Variants in REL observed in about 807,000 individuals in gnomAD.
REL encodes the protein proto-oncogene c-Rel.
Under a neutral mutation model 45.9 loss-of-function variants are expected in REL, and 15 were observed. The ratio of observed to expected loss-of-function variants is 0.33; its 90% CI spans 0.22 to 0.50. The LOEUF (loss-of-function observed/expected upper bound fraction) is 0.50, where lower values mean the gene tolerates loss of function less well. Among genes scored for constraint, REL ranks in the 20% least tolerant of loss-of-function variants. The probability of loss-of-function intolerance (pLI) is 0.98; values close to 1 mark genes in which losing one functional copy is unlikely to be tolerated. For synonymous variants in REL, 239 were observed against 242.1 expected (o/e 0.99, Z 0.12); for missense variants, 601 against 715.2 (o/e 0.84, Z 1.82).
At chr2:60,896,863 C>G (rs1673364090) in intron 3 of REL, among the ~76,000 whole-genome samples, 1 of 152,146 alleles carries the variant, frequency 6.6e-6, no homozygotes. Context: ...TTCCAACTCT[C>G]TCCCCAATTC....
Position 60,900,976 on chromosome 2 carries a change from G to GT in REL, c.303-9dup, listed in dbSNP as rs749193972. Reference sequence around the variant, plus strand: ...TGTTTATAATGCAGTTTTGAATATTGTTTTTTTCCTGCTAGTTTCCAAAAT... The same window carrying GT: ...TGTTTATAATGCAGTTTTGAATATTGTTTTTTTTCCTGCTAGTTTCCAAAAT... On this transcript the variant is annotated splice_polypyrimidine_tract_variant and intron_variant, in intron 3 of 9. Transcript: ENST00000394479. The GT allele has an allele frequency of 9.4e-6, 15 of 1,590,452 alleles. No homozygotes were observed. In the South Asian group the frequency reaches 1.1e-4, roughly 12 times the overall value.
chr2:60,916,249 C>CA (rs964655990), intron 4 of REL, among the ~76,000 whole-genome samples: 2 of 151,946 alleles, frequency 1.3e-5, no homozygotes, highest in Non-Finnish European at 2.9e-5. Context: ...CCCATCTCTA[C>CA]AAAAAAATAG....
chr2:60,910,351 G>C (rs1459583031), intron 4 of REL, among the ~76,000 whole-genome samples: 2 of 151,806 alleles, frequency 1.3e-5, no homozygotes, highest in East Asian at 3.9e-4. Flanking sequence ...TGTAGTCCCA[G>C]CTACTCGGGA....
In REL at chr2:60,923,479, T is replaced by C. The variant is rs1185390280; in HGVS notation, c.*944T>C. 4.3e-6 allele frequency: 1 copy of C among 232,480 alleles called. No homozygotes were observed. 14.4% of individuals were successfully genotyped at this position (232,480 alleles called of 1,614,324 possible). A position where few individuals can be genotyped will look rare whatever the true frequency, so the allele number is the denominator to read the frequency against. On this transcript the variant is annotated 3_prime_UTR_variant, in exon 10 of 10. Coordinates refer to ENST00000394479, the MANE Select transcript of REL (RefSeq NM_001291746.2). ...AAACTGCCTATTTGACATCTCTATC[T>C]AGAAATCTAATTAAAGCTCACACTC...
chr2:60,912,396 G>A (rs1036642758), intron 4 of REL, among the ~76,000 whole-genome samples: 1 of 152,060 alleles, frequency 6.6e-6, no homozygotes, highest in Non-Finnish European at 1.5e-5. Flanking sequence ...ATAGTCTGCC[G>A]TAGAAACTTA....
intron 5 of REL, among the ~76,000 whole-genome samples, chr2:60,917,869 G>A (rs774211814): frequency 3.3e-5 from 5 of 152,088 alleles, no homozygotes; most frequent in Non-Finnish European, 7.4e-5. Context: ...AGGGAAAATT[G>A]TATTGCCATG....
intron 1 of REL, among the ~76,000 whole-genome samples, chr2:60,889,550 G>A (rs1673156305): frequency 6.6e-6 from 1 of 151,918 alleles, no homozygotes. Flanking sequence ...TGCCATGTTG[G>A]TGTGCTGCAC....
At chr2:60,901,150 CTT>C (rs10565258) in intron 4 of REL, 67 bp downstream of exon 4, 155,272 of 876,844 alleles carry the variant, frequency 0.18, 1,438 homozygotes, top group Middle Eastern at 0.23. Flanking sequence ...TTTTCTTTCT[CTT>C]TTTTTTTTTT....
intron 4 of REL, among the ~76,000 whole-genome samples, chr2:60,902,228 A>C (rs576645082): frequency 1.6e-4 from 25 of 152,352 alleles, no homozygotes; most frequent in Non-Finnish European, 2.6e-4. Flanking sequence ...TAATTTAAGG[A>C]ATATATTCAC....
At position 60,921,838 on chromosome 2, in the gene REL, A is replaced by G. The variant is rs200515155; in HGVS notation, c.1067A>G (p.Tyr356Cys). ...GTTTCAAGTCAAGCAGAATCCTACT[A>G]TCCCTCACCTGGGCCCATCTCAAGT... ...TGVSSQAESY[Y>C]PSPGPISSGL... is the part of the protein sequence containing the mutation. The change falls in exon 10 of 10, where the codon TAT becomes TGT. Residue 356 changes from tyrosine (Y) to cysteine (C), a missense_variant. Tyr to Cys is a radical substitution (Grantham distance 194). Coordinates refer to ENST00000394479, the MANE Select transcript of REL (RefSeq NM_001291746.2). 113 of 1,614,034 alleles carry G rather than the reference A, an allele frequency of 7.0e-5. No individual in the cohort carries two copies. In the African/African-American group the frequency reaches 1.2e-3, roughly 17 times the overall value.
intron 3 of REL, among the ~76,000 whole-genome samples, chr2:60,898,043 AC>A (rs1673398745): frequency 6.6e-6 from 1 of 152,128 alleles, no homozygotes; most frequent in African/African-American, 2.4e-5. Flanking sequence ...CATTGAATCT[AC>A]TAACAGTTAC....
In REL at chr2:60,924,369, C is replaced by A; in HGVS notation, c.*1834C>A. The A allele has an allele frequency of 4.6e-6, 1 of 217,092 alleles. No individual in the cohort carries two copies. Among genetic ancestry groups the A allele is most frequent in the East Asian group, 6.9e-5 (1 of 14,458 alleles). 13.4% of individuals were successfully genotyped at this position (217,092 alleles called of 1,614,324 possible). On this transcript the variant is annotated 3_prime_UTR_variant, in exon 10 of 10. Transcript: ENST00000394479. ...AAAAATGCCTACCTTATATTAAACA[C>A]TCAGTAAATGTTTATTGAACATTAA...
intron 4 of REL, among the ~76,000 whole-genome samples, chr2:60,910,760 C>T (rs1012064611): frequency 3.3e-5 from 5 of 151,944 alleles, no homozygotes; most frequent in African/African-American, 7.3e-5. Flanking sequence ...GGTGAAACCC[C>T]GTCTCTACTA....
rs140321825 is a variant in REL, at chr2:60,917,073, A to C, written c.535+56A>C. ...CTTAACTTGTTTTTTGTAATAGTTT[A>C]ATTCTTAAAATTATTTTGGTAATTA... On this transcript the variant is annotated intron_variant, in intron 5 of 9. Coordinates refer to ENST00000394479, the MANE Select transcript of REL (RefSeq NM_001291746.2). 470 of 1,413,596 alleles carry C rather than the reference A, an allele frequency of 3.3e-4. 2 individuals are homozygous for C. The East Asian group carries it at 0.01, about 30-fold the overall frequency. 87.6% of individuals were successfully genotyped at this position (1,413,596 alleles called of 1,614,324 possible). A position where few individuals can be genotyped will look rare whatever the true frequency, so the allele number is the denominator to read the frequency against.
intron 4 of REL, among the ~76,000 whole-genome samples, chr2:60,903,793 A>C (rs1673562340): frequency 6.6e-6 from 1 of 151,914 alleles, no homozygotes; most frequent in African/African-American, 2.4e-5. Context: ...AGCCTCCCAA[A>C]GTGTTGGGAT....
intron 1 of REL, among the ~76,000 whole-genome samples, chr2:60,882,676 A>G (rs1466047706): frequency 6.6e-6 from 1 of 151,264 alleles, no homozygotes; most frequent in Non-Finnish European, 1.5e-5. Flanking sequence ...CCCTGTCTCT[A>G]TTTAAAAAAA....
intron 4 of REL, among the ~76,000 whole-genome samples, chr2:60,904,276 C>T (rs959315195): frequency 1.3e-5 from 2 of 152,070 alleles, no homozygotes; most frequent in East Asian, 3.9e-4. Flanking sequence ...GTGGCACGCG[C>T]CTGTAGTCCC....
rs1558832588 is a variant in REL, at chr2:60,930,181, T to C, written c.*7646T>C. On this transcript the variant is annotated 3_prime_UTR_variant, in exon 10 of 10. Coordinates refer to ENST00000394479, the MANE Select transcript of REL (RefSeq NM_001291746.2). ...ACAGGTTGTGTTGTACTAAATAAAA[T>C]GGTACATAAGAAGAAACACTGTAAA... 1 of 152,272 alleles carries C rather than the reference T, an allele frequency of 6.6e-6. No individual in the cohort carries two copies. 9.4% of individuals were successfully genotyped at this position (152,272 alleles called of 1,614,324 possible).
chr2:60,903,918 T>C (rs889091126), intron 4 of REL, among the ~76,000 whole-genome samples: 1 of 151,888 alleles, frequency 6.6e-6, no homozygotes, highest in Non-Finnish European at 1.5e-5. Context: ...CCGCCTGCCT[T>C]GGCCTCCCAA....
Sources: gnomAD v4.1 joint callset for allele counts (sites outside exome capture counted in the v4.1 genomes callset) on GRCh38, gnomAD v4.1.1 for gene constraint, MANE v1.5 for transcripts, NCBI Gene and HGNC (gene_info 2026-07-23, HGNC 2026-07-21) for gene names.